RMND1: variants seen among roughly 807,000 people sequenced by gnomAD.
The protein encoded by RMND1 is required for meiotic nuclear division 1 homolog, also known as required for meiotic nuclear division protein 1 homolog.
A neutral mutation model predicts 54.0 loss-of-function variants in RMND1; 41 were observed. The observed-to-expected ratio is 0.76, with a 90% CI of 0.59 to 0.98. RMND1 has a LOEUF of 0.98. RMND1 is among the 50% of genes least tolerant of loss of function. The probability of loss-of-function intolerance (pLI) is 0.00; values close to 1 mark genes in which losing one functional copy is unlikely to be tolerated. For missense variants in RMND1, 457 were observed against 532.0 expected (o/e 0.86, Z 1.39); for synonymous variants, 183 against 181.7 (o/e 1.01, Z -0.06).
Position 151,423,645 on chromosome 6 carries a change from A to G in RMND1, c.831-14T>C. 5 of 1,511,490 alleles carry G rather than the reference A, an allele frequency of 3.3e-6. No homozygotes were observed. The highest frequency in any genetic ancestry group is 4.6e-6 in the Non-Finnish European group (5 of 1,086,730). The allele number at this position is 1,511,490 out of a possible 1,614,324, so 93.6% of individuals were successfully genotyped here. On this transcript the variant is annotated splice_polypyrimidine_tract_variant and intron_variant, in intron 6 of 11. Coordinates refer to ENST00000444024, the MANE Select transcript of RMND1 (RefSeq NM_017909.4). ...TTTGACTGTCCCCTGTGAAAAGCAAAAAGATAATACCTTCTAAATCTTAAA... is the reference window on the plus strand; with the variant it reads ...TTTGACTGTCCCCTGTGAAAAGCAAGAAGATAATACCTTCTAAATCTTAAA...
chr6:151,415,661 C>T (rs899352437), intron 10 of RMND1, among the ~76,000 whole-genome samples: 20 of 151,708 alleles, frequency 1.3e-4, no homozygotes, highest in Non-Finnish European at 2.8e-4. Flanking sequence ...GGCTTGGTGG[C>T]GGGTGCCTGT....
intron 2 of RMND1, 41 bp from the exon 3 acceptor site, chr6:151,436,595 C>A (rs1211363972): frequency 6.2e-7 from 1 of 1,605,078 alleles, no homozygotes; most frequent in Non-Finnish European, 8.5e-7. Context: ...TACCAAGAGG[C>A]TGAAGCATCT....
chr6:151,431,913 G>C (rs1399754525), intron 4 of RMND1, among the ~76,000 whole-genome samples: 2 of 151,486 alleles, frequency 1.3e-5, no homozygotes, highest in Admixed American at 6.6e-5. Context: ...TTACATATGA[G>C]GCTTGCATTA....
chr6:151,420,459 G>A (rs546856929), intron 9 of RMND1, among the ~76,000 whole-genome samples: 1 of 152,244 alleles, frequency 6.6e-6, no homozygotes, highest in African/African-American at 2.4e-5. Flanking sequence ...GGGATAAACT[G>A]GACAATGCTG....
At chr6:151,421,038 C>T in intron 9 of RMND1, 1 of 450,598 alleles carries the variant, frequency 2.2e-6, no homozygotes, top group Non-Finnish European at 4.0e-6. Context: ...ATCTCTTTTG[C>T]ACATGCGTGA....
chr6:151,448,603 C>G (rs898551034), intron 1 of RMND1, among the ~76,000 whole-genome samples: 2 of 152,202 alleles, frequency 1.3e-5, no homozygotes, highest in African/African-American at 2.4e-5. Context: ...CACTGCTCAT[C>G]ATCAGTAATA....
chr6:151,442,853 T>C (rs569280788), intron 2 of RMND1, among the ~76,000 whole-genome samples: 1 of 152,220 alleles, frequency 6.6e-6, no homozygotes, highest in Non-Finnish European at 1.5e-5. Context: ...CTTTTAGGAA[T>C]TGTAAGCCAA....
rs1395089637 is a variant in RMND1, at chr6:151,433,187, T to A, written c.657A>T (p.Lys219Asn). The A allele has an allele frequency of 6.2e-7, 1 of 1,612,798 alleles. No homozygotes were observed. Among genetic ancestry groups the A allele is most frequent in the Admixed American group, 1.7e-5 (1 of 59,796 alleles). ...AGAATATTGTTCCAGGATCACCTTC[T>A]TTTGCAGAATTTTCCACACCCATCA... Reference protein sequence around the residue: ...ILVMGVENSAKEGDPGTIFFF... With the variant: ...ILVMGVENSANEGDPGTIFFF... Residue 219 changes from lysine (K) to asparagine (N), a missense_variant, in exon 4 of 12, where the codon AAA becomes AAT. Physicochemically the swap from Lys to Asn is moderately conservative, Grantham distance 94. Coordinates refer to ENST00000444024, the MANE Select transcript of RMND1 (RefSeq NM_017909.4).
At chr6:151,425,774 T>C (rs755258859) in intron 6 of RMND1, among the ~76,000 whole-genome samples, 9 of 152,178 alleles carry the variant, frequency 5.9e-5, no homozygotes, top group African/African-American at 2.2e-4. Context: ...GCTGCAATTA[T>C]AGGGTTTTCC....
chr6:151,408,532 C>G (rs1779707386), intron 10 of RMND1: 1 of 152,152 alleles, frequency 6.6e-6, no homozygotes, highest in South Asian at 2.1e-4. Context: ...TAGGCAGAAC[C>G]ATGTCCCCCA....
chr6:151,435,409 G>A (rs907909730), intron 3 of RMND1, among the ~76,000 whole-genome samples: 6 of 152,054 alleles, frequency 3.9e-5, no homozygotes, highest in Non-Finnish European at 5.9e-5. Context: ...GCCTCCCAAA[G>A]TGCTGGGATT....
chr6:151,423,863 T>C (rs1386218823), intron 6 of RMND1, among the ~76,000 whole-genome samples: 1 of 151,816 alleles, frequency 6.6e-6, no homozygotes, highest in African/African-American at 2.4e-5. Flanking sequence ...TTTTTTTTTT[T>C]TTTTGAGACA....
At chr6:151,448,249 C>G (rs144145174) in intron 1 of RMND1, among the ~76,000 whole-genome samples, 1 of 152,172 alleles carries the variant, frequency 6.6e-6, no homozygotes, top group Non-Finnish European at 1.5e-5. Context: ...ATTTTACTCT[C>G]TAAGCACCAC....
intron 4 of RMND1, among the ~76,000 whole-genome samples, chr6:151,430,473 G>C (rs1780421037): frequency 6.6e-6 from 1 of 152,122 alleles, no homozygotes; most frequent in Non-Finnish European, 1.5e-5. Context: ...TTTCATACCT[G>C]GTTCAATTCT....
chr6:151,439,496 T>C (rs564053875), intron 2 of RMND1, among the ~76,000 whole-genome samples: 1 of 152,292 alleles, frequency 6.6e-6, no homozygotes, highest in South Asian at 2.1e-4. Context: ...ACAAAATTAC[T>C]CCTAACCAAC....
rs781027685 is a variant in RMND1, at chr6:151,445,595, T to C, written c.217A>G (p.Lys73Glu). The change falls in exon 2 of 12, where the codon AAA becomes GAA. Residue 73 changes from lysine (K) to glutamate (E), a missense_variant. By Grantham distance (56) the Lys-to-Glu change is moderately conservative. Coordinates refer to ENST00000444024, the MANE Select transcript of RMND1 (RefSeq NM_017909.4). Reference sequence around the variant, plus strand: ...GACAGCATGCTGGTATCTGACTTTTTTTGGTTCATTTCCAGGATCTGAGAC... The same window carrying C: ...GACAGCATGCTGGTATCTGACTTTTCTTGGTTCATTTCCAGGATCTGAGAC... Reference protein sequence around the residue: ...NKSQILEMNQKKSDTSMLSPL... With the variant: ...NKSQILEMNQEKSDTSMLSPL... 6.4e-5 allele frequency: 103 copies of C among 1,614,220 alleles called. No individual in the cohort carries two copies. Among genetic ancestry groups the C allele is most frequent in the Non-Finnish European group, 8.7e-5 (103 of 1,180,040 alleles).
chr6:151,438,916 C>T (rs891514183), intron 2 of RMND1, among the ~76,000 whole-genome samples: 11 of 151,906 alleles, frequency 7.2e-5, no homozygotes, highest in East Asian at 5.8e-4. Context: ...GAGTTCGAGA[C>T]GAGCCTGGTC....
intron 10 of RMND1, chr6:151,413,867 G>A (rs1024656918): frequency 6.6e-5 from 10 of 152,102 alleles, no homozygotes; most frequent in African/African-American, 2.2e-4. Context: ...TTTTCTTGCC[G>A]AGTGGTGATG....
At chr6:151,409,343 A>T (rs972299137) in intron 10 of RMND1, among the ~76,000 whole-genome samples, 1 of 152,186 alleles carries the variant, frequency 6.6e-6, no homozygotes, top group Non-Finnish European at 1.5e-5. Context: ...AGATTGTTTG[A>T]CTGGATATGG....
Sources: gnomAD v4.1 joint callset for allele counts (sites outside exome capture counted in the v4.1 genomes callset) on GRCh38, gnomAD v4.1.1 for gene constraint, MANE v1.5 for transcripts, NCBI Gene and HGNC (gene_info 2026-07-23, HGNC 2026-07-21) for gene names.